Variants in PLA2G12B observed in about 807,000 individuals in gnomAD.
The protein encoded by PLA2G12B is phospholipase A2 group XIIB, also known as group XIIB secretory phospholipase A2-like protein.
Under a neutral mutation model 22.3 loss-of-function variants are expected in PLA2G12B, and 19 were observed. The ratio of observed to expected loss-of-function variants is 0.85; its 90% CI spans 0.60 to 1.25. PLA2G12B has a LOEUF of 1.25. Ranked by LOEUF, PLA2G12B falls within the 50% of genes most tolerant of loss-of-function variation. The pLI is 0.00. For missense variants in PLA2G12B, 191 were observed against 246.6 expected (o/e 0.77, Z 1.51); for synonymous variants, 81 against 94.9 (o/e 0.85, Z 0.85).
rs887195636 is a variant in PLA2G12B, at chr10:72,953,200, GCATAGATGGTTAAAA to G, written c.211+1260_211+1274del. Among the ~76,000 whole-genome samples, 60 of 152,330 alleles carry G rather than the reference GCATAGATGGTTAAAA, an allele frequency of 3.9e-4. 1 individual carries two copies. In the East Asian group the frequency reaches 6.7e-3, roughly 17 times the overall value. On this transcript the variant is annotated intron_variant, in intron 1 of 3. Coordinates refer to ENST00000373032, the MANE Select transcript of PLA2G12B (RefSeq NM_032562.5). ...GTGAAACTTTCACAAAGAAGCTGCAGCATAGATGGTTAAAACATAGATGGTTAAAACATAGATTTT... is the reference window on the plus strand; with the variant it reads ...GTGAAACTTTCACAAAGAAGCTGCAGCATAGATGGTTAAAACATAGATTTT...
chr10:72,950,016 G>T (rs1325682379), intron 1 of PLA2G12B, among the ~76,000 whole-genome samples: 1 of 151,900 alleles, frequency 6.6e-6, no homozygotes, highest in Non-Finnish European at 1.5e-5. Flanking sequence ...AAGAAAGAAA[G>T]GTATGTCCTC....
intron 1 of PLA2G12B, among the ~76,000 whole-genome samples, chr10:72,945,882 A>G (rs185035183): frequency 1.9e-3 from 284 of 152,248 alleles, no homozygotes; most frequent in African/African-American, 6.4e-3. Context: ...TCCTGGCCTC[A>G]AGTGATCCAC....
chr10:72,945,339 A>T (rs1314563690), intron 1 of PLA2G12B, among the ~76,000 whole-genome samples: 1 of 151,996 alleles, frequency 6.6e-6, no homozygotes, highest in Non-Finnish European at 1.5e-5. Context: ...CTCACCGTTC[A>T]CTCTAGGGGA....
At chr10:72,951,105 T>C (rs1258922707) in intron 1 of PLA2G12B, among the ~76,000 whole-genome samples, 1 of 152,228 alleles carries the variant, frequency 6.6e-6, no homozygotes, top group Non-Finnish European at 1.5e-5. Context: ...TACCATGCTT[T>C]ATATATACCA....
At chr10:72,943,976 CTTTT>C (rs780879025) in intron 1 of PLA2G12B, among the ~76,000 whole-genome samples, 76 of 152,000 alleles carry the variant, frequency 5.0e-4, no homozygotes, top group Non-Finnish European at 8.7e-4. Context: ...TTCTTTCTTT[CTTTT>C]TCTTTCTTCC....
At chr10:72,938,149 A>C (rs1846307085) in intron 3 of PLA2G12B, among the ~76,000 whole-genome samples, 1 of 151,940 alleles carries the variant, frequency 6.6e-6, no homozygotes, top group African/African-American at 2.4e-5. Context: ...GAAAGAAAGA[A>C]AAATTAAAAG....
At chr10:72,949,488 C>T (rs889523694) in intron 1 of PLA2G12B, among the ~76,000 whole-genome samples, 9 of 152,014 alleles carry the variant, frequency 5.9e-5, no homozygotes, top group Non-Finnish European at 1.3e-4. Flanking sequence ...TTGTAAGAAC[C>T]TTTTTGTAGT....
At chr10:72,947,302 G>C (rs555342813) in intron 1 of PLA2G12B, among the ~76,000 whole-genome samples, 1 of 152,072 alleles carries the variant, frequency 6.6e-6, no homozygotes. Context: ...ATGCAGTGTT[G>C]TGATCTTGGC....
chr10:72,951,661 G>A (rs896220743), intron 1 of PLA2G12B, among the ~76,000 whole-genome samples: 5 of 151,942 alleles, frequency 3.3e-5, no homozygotes, highest in East Asian at 3.9e-4. Flanking sequence ...GGGTTTCACC[G>A]TGTTAGCCAG....
rs1183550411 is a variant in PLA2G12B at position 72,954,727 on chromosome 10, GC to G, written c.-43del. ...TACTGGCTTCTCTCCTCAAACCCCA[GC>G]CAGTGTCCCAGAATTCCAGGGACAA... On this transcript the variant is annotated 5_prime_UTR_variant, in exon 1 of 4. It introduces an in-frame stop codon into an upstream open reading frame of the 5' UTR. Transcript: ENST00000373032. 6.2e-7 allele frequency: 1 copy of G among 1,601,774 alleles called. No homozygotes were observed.
rs772386604 is a variant in PLA2G12B, at chr10:72,954,479, T to TCGGC, written c.203_206dup (p.Tyr70ProfsTer52). On this transcript the variant is annotated frameshift_variant, in exon 1 of 4. Transcript: ENST00000373032. LOFTEE classifies it high-confidence loss of function. Reference sequence around the variant, plus strand: ...AAAGAGAAACCGCACACTCACCATATCGGCACCTGTACTGACAGACTCCAT... The same window carrying TCGGC: ...AAAGAGAAACCGCACACTCACCATATCGGCCGGCACCTGTACTGACAGACTCCAT... 1 of 1,614,144 alleles carries TCGGC rather than the reference T, an allele frequency of 6.2e-7. No individual in the cohort carries two copies. Among genetic ancestry groups the TCGGC allele is most frequent in the South Asian group, 1.1e-5 (1 of 91,074 alleles).
chr10:72,941,242 T>C lies in PLA2G12B; in HGVS notation c.393A>G (p.Ala131=), dbSNP rs766442989. ...TCGAGTGGAGACACCATCGGAATTT[T>C]GCATCACAGCGATATTTGTTGGCAC... ...TCGANKYRCD[A]KFRWCLHSIC... Residue 131 remains alanine (A), a synonymous_variant, in exon 3 of 4, where the codon GCA becomes GCG. Coordinates refer to ENST00000373032, the MANE Select transcript of PLA2G12B (RefSeq NM_032562.5). 6.2e-7 allele frequency: 1 copy of C among 1,614,012 alleles called. No homozygotes were observed. The highest frequency in any genetic ancestry group is 8.5e-7 in the Non-Finnish European group (1 of 1,179,976).
At position 72,935,027 on chromosome 10, in the gene PLA2G12B, G is replaced by A. The variant is rs1385949667; in HGVS notation, c.*590C>T. On this transcript the variant is annotated 3_prime_UTR_variant, in exon 4 of 4. Coordinates refer to ENST00000373032, the MANE Select transcript of PLA2G12B (RefSeq NM_032562.5). ...CCTTCCCCTCCGTTGGCCTTAATCA[G>A]GTAAGCCTCTGAGCCTGCCCACCTG... 5 of 152,394 alleles carry A rather than the reference G, an allele frequency of 3.3e-5. No individual in the cohort carries two copies. The South Asian group carries it at 6.2e-4, about 19-fold the overall frequency. 9.4% of individuals were successfully genotyped at this position (152,394 alleles called of 1,614,324 possible).
At chr10:72,943,071 T>C (rs978121693) in intron 1 of PLA2G12B, among the ~76,000 whole-genome samples, 2 of 151,868 alleles carry the variant, frequency 1.3e-5, no homozygotes, top group African/African-American at 4.8e-5. Flanking sequence ...GTTCAAGCAA[T>C]TCTCCTGCCT....
intron 3 of PLA2G12B, 70 bp from the exon 4 acceptor site, chr10:72,935,808 A>T: frequency 2.0e-6 from 3 of 1,537,586 alleles, no homozygotes; most frequent in Non-Finnish European, 2.7e-6. Context: ...CAGGCATGAC[A>T]TGATACCCAG....
intron 3 of PLA2G12B, among the ~76,000 whole-genome samples, chr10:72,936,534 T>C (rs1252949707): frequency 6.6e-6 from 1 of 152,168 alleles, no homozygotes; most frequent in East Asian, 1.9e-4. Context: ...TCCATTCATA[T>C]GAAATTTCCA....
chr10:72,952,682 A>G (rs961457473), intron 1 of PLA2G12B, among the ~76,000 whole-genome samples: 2 of 152,188 alleles, frequency 1.3e-5, no homozygotes, highest in African/African-American at 4.8e-5. Context: ...TTTTGGCTCT[A>G]CTGGGTTCCA....
At chr10:72,943,494 C>T (rs529453488) in intron 1 of PLA2G12B, among the ~76,000 whole-genome samples, 23 of 152,228 alleles carry the variant, frequency 1.5e-4, no homozygotes, top group Admixed American at 6.5e-4. Flanking sequence ...ATTCCATAAA[C>T]GTAGACAGAG....
intron 1 of PLA2G12B, among the ~76,000 whole-genome samples, chr10:72,949,206 AG>A (rs2132979060): frequency 6.6e-6 from 1 of 152,354 alleles, no homozygotes; most frequent in South Asian, 2.1e-4. Context: ...CATTAAAAAA[AG>A]GATTAACATT....
Sources: allele counts gnomAD v4.1 joint callset (sites outside exome capture counted in the v4.1 genomes callset), GRCh38; gene constraint gnomAD v4.1.1; transcripts MANE v1.5; gene names NCBI Gene and HGNC (gene_info 2026-07-23, HGNC 2026-07-21).